The following HES6 variants were observed in gnomAD, a reference collection of about 807,000 sequenced individuals.
HES6 encodes the protein transcription cofactor HES-6.
Under a neutral mutation model 16.4 loss-of-function variants are expected in HES6, and 24 were observed. The observed-to-expected ratio is 1.46, with a 90% CI of 1.06 to 2.06. The LOEUF (loss-of-function observed/expected upper bound fraction) is 2.06, where lower values mean the gene tolerates loss of function less well. Ranked by LOEUF, HES6 falls within the 30% of genes most tolerant of loss-of-function variation. HES6 has a pLI of 0.00. For missense variants in HES6, 355 were observed against 317.6 expected (o/e 1.12, Z -0.90); for synonymous variants, 159 against 144.3 (o/e 1.10, Z -0.73).
rs1256013732 is a variant in HES6, at chr2:238,239,989, G to T, written c.-84C>A. 7.1e-6 allele frequency: 6 copies of T among 848,022 alleles called. No individual in the cohort carries two copies. The highest frequency in any genetic ancestry group is 9.1e-6 in the Non-Finnish European group (6 of 659,422). 52.5% of individuals were successfully genotyped at this position (848,022 alleles called of 1,614,324 possible). On this transcript the variant is annotated 5_prime_UTR_variant, in exon 1 of 4. Transcript: ENST00000272937. ...GACCGGAGTGCCGGCGCCCTCCGCT[G>T]CCCCGCGGCCGCCCAGCAGCAGCCC... is the stretch of plus-strand genomic sequence containing the variant.
Position 238,238,775 on chromosome 2 carries a change from G to A in HES6, c.*52C>T, listed in dbSNP as rs1695221736. 2 of 1,492,314 alleles carry A rather than the reference G, an allele frequency of 1.3e-6. No homozygotes were observed. The highest frequency in any genetic ancestry group is 1.4e-5 in the African/African-American group (1 of 72,100). 92.4% of individuals were successfully genotyped at this position (1,492,314 alleles called of 1,614,324 possible). ...ACATCTGAACCCCTGGGAGGAGGGA[G>A]GAGATCCAGGGAGGGCCGGGCCCAC... On this transcript the variant is annotated 3_prime_UTR_variant, in exon 4 of 4. Transcript: ENST00000272937.
In HES6 at chr2:238,239,266, G is replaced by A; in HGVS notation, c.251-15C>T. 6.3e-7 allele frequency: 1 copy of A among 1,596,000 alleles called. No individual in the cohort carries two copies. The highest frequency in any genetic ancestry group is 8.5e-7 in the Non-Finnish European group (1 of 1,176,964). ...CTGCTCGCGCTCTGGGCCCGAGGGT[G>A]GGAGGGAGAGAGCCGCGTCCCGCGC... On this transcript the variant is annotated splice_polypyrimidine_tract_variant and intron_variant, in intron 3 of 3. Transcript: ENST00000272937.
At chr2:238,239,459 C>T in intron 3 of HES6, 28 bp downstream of exon 3, 2 of 1,269,162 alleles carry the variant, frequency 1.6e-6, no homozygotes, top group Non-Finnish European at 9.9e-7. Context: ...CCGCGGCCGG[C>T]GCCCCCGCCC....
Position 238,239,949 on chromosome 2 carries a change from A to ACGGGGAGCGG in HES6, c.-54_-45dup, listed in dbSNP as rs1175613032. 3 of 1,160,634 alleles carry ACGGGGAGCGG rather than the reference A, an allele frequency of 2.6e-6. No individual in the cohort carries two copies. Among genetic ancestry groups the ACGGGGAGCGG allele is most frequent in the Middle Eastern group, 3.4e-4 (1 of 2,924 alleles). The allele number at this position is 1,160,634 out of a possible 1,614,324, so 71.9% of individuals were successfully genotyped here. A position where few individuals can be genotyped will look rare whatever the true frequency, so the allele number is the denominator to read the frequency against. ...GCGGCAGGGGCTAGGAGCAGCGGGG[A>ACGGGGAGCGG]CGGGGAGCGGCGGGGACCGGAGTGC... On this transcript the variant is annotated 5_prime_UTR_variant, in exon 1 of 4. Coordinates refer to ENST00000272937, the MANE Select transcript of HES6 (RefSeq NM_018645.6).
chr2:238,239,871 A>C lies in HES6; in HGVS notation c.35T>G (p.Val12Gly). ...APPAAPGRDR[V>G]GREDEDGWET... The stretch of plus-strand genomic sequence containing the variant: ...CCAGCCGTCCTCATCCTCACGGCCC[A>C]CACGGTCCCGGCCAGGCGCCGCGGG... The change falls in exon 1 of 4, where the codon GTG (valine) becomes GGG (glycine). Residue 12 changes from valine to glycine, a missense_variant. Val to Gly is a moderately radical substitution (Grantham distance 109). Transcript: ENST00000272937. 7.5e-7 allele frequency: 1 copy of C among 1,339,268 alleles called. No individual in the cohort carries two copies. 83.0% of individuals were successfully genotyped at this position (1,339,268 alleles called of 1,614,324 possible). A position where few individuals can be genotyped will look rare whatever the true frequency, so the allele number is the denominator to read the frequency against.
chr2:238,239,096 G>A lies in HES6; in HGVS notation c.406C>T (p.Arg136Cys), dbSNP rs972987306. ...LNHLLESMPLREGSSFQDLLG... is the reference protein window; with the variant it reads ...LNHLLESMPLCEGSSFQDLLG... ...AGATCCTGGAAGCTGCTGCCCTCAC[G>A]CAGCGGCATGGACTCGAGCAGATGG... Residue 136 changes from arginine to cysteine, a missense_variant, in exon 4 of 4, where the codon CGT becomes TGT. By Grantham distance (180) the Arg-to-Cys change is radical. Coordinates refer to ENST00000272937, the MANE Select transcript of HES6 (RefSeq NM_018645.6). 5.1e-5 allele frequency: 83 copies of A among 1,612,474 alleles called. No individual in the cohort carries two copies. Among genetic ancestry groups the A allele is most frequent in the Non-Finnish European group, 6.9e-5 (82 of 1,179,930 alleles).
Position 238,239,497 on chromosome 2 carries a change from GCCCCGCAGCACA to G in HES6, c.228_239del (p.Val77_Gly80del). ...CCCGCCGCCACTCACCGCGCGCCCG[GCCCCGCAGCACA>G]CCCTGGACCCGCCGCACCGTCAGCT... On this transcript the variant is annotated inframe_deletion, in exon 3 of 4. Transcript: ENST00000272937. 7.7e-7 allele frequency: 1 copy of G among 1,299,254 alleles called. No homozygotes were observed. The highest frequency in any genetic ancestry group is 2.3e-5 in the South Asian group (1 of 43,706). 80.5% of individuals were successfully genotyped at this position (1,299,254 alleles called of 1,614,324 possible). A position where few individuals can be genotyped will look rare whatever the true frequency, so the allele number is the denominator to read the frequency against.
rs78144322 is a variant in HES6 at position 238,239,014 on chromosome 2, G to A, written c.488C>T (p.Ala163Val). The A allele has an allele frequency of 1.9e-6, 3 of 1,607,722 alleles. No individual in the cohort carries two copies. The highest frequency in any genetic ancestry group is 2.2e-5 in the South Asian group (2 of 90,730). Reference protein sequence around the residue: ...PRAPGRSGWPAGGAPGSPIPS... With the variant: ...PRAPGRSGWPVGGAPGSPIPS... ...TATTGGGGATCCCGGAGCGCCCCCC[G>A]CAGGCCAGCCACTCCGTCCAGGGGC... The change falls in exon 4 of 4, where the codon GCG becomes GTG. Residue 163 changes from alanine to valine, a missense_variant. Ala to Val is a moderately conservative substitution (Grantham distance 64, BLOSUM62 0). Transcript: ENST00000272937.
At position 238,238,823 on chromosome 2, in the gene HES6, T is replaced by C. The variant is rs752339191; in HGVS notation, c.*4A>G. On this transcript the variant is annotated 3_prime_UTR_variant, in exon 4 of 4. Coordinates refer to ENST00000272937, the MANE Select transcript of HES6 (RefSeq NM_018645.6). ...CACCCCCGCAGGACTCTGGCTGGCA[T>C]TGGTCACCAAGGCCTCCAGACACTC... 2 of 1,555,764 alleles carry C rather than the reference T, an allele frequency of 1.3e-6. No homozygotes were observed. Among genetic ancestry groups the C allele is most frequent in the Non-Finnish European group, 8.6e-7 (1 of 1,157,056 alleles).
rs1229240857 is a variant in HES6 at position 238,239,331 on chromosome 2, G to A, written c.251-80C>T. 4 of 1,442,448 alleles carry A rather than the reference G, an allele frequency of 2.8e-6. No individual in the cohort carries two copies. In the African/African-American group the frequency reaches 4.4e-5, roughly 16 times the overall value. 89.4% of individuals were successfully genotyped at this position (1,442,448 alleles called of 1,614,324 possible). The stretch of plus-strand genomic sequence containing the variant: ...GCGTGGCCCAGCCCACCCGGCCCGC[G>A]GGGACGCGGCTCACCCAGGAGACGC... On this transcript the variant is annotated intron_variant, in intron 3 of 3. Transcript: ENST00000272937.
chr2:238,239,314 C>A (rs754875587), intron 3 of HES6, 63 bp from the exon 4 acceptor site: 18 of 1,512,272 alleles, frequency 1.2e-5, no homozygotes, highest in Admixed American at 8.6e-5. Context: ...CTGCGTGGCC[C>A]AGCCCACCCG....
chr2:238,238,627 C>T lies in HES6; in HGVS notation c.*200G>A, dbSNP rs1695217312. 1.7e-6 allele frequency: 1 copy of T among 597,764 alleles called. No homozygotes were observed. The highest frequency in any genetic ancestry group is 2.9e-6 in the Non-Finnish European group (1 of 344,886). The allele number at this position is 597,764 out of a possible 1,614,324, so 37.0% of individuals were successfully genotyped here. ...CCACCCACTCCAGAGCTGCAGGGTC[C>T]CTAAAAGTTTCTTAAGAAACGGGGC... On this transcript the variant is annotated 3_prime_UTR_variant, in exon 4 of 4. Coordinates refer to ENST00000272937, the MANE Select transcript of HES6 (RefSeq NM_018645.6).
At position 238,238,947 on chromosome 2, in the gene HES6, C is replaced by G. The variant is rs1695228921; in HGVS notation, c.555G>C (p.Leu185=). The part of the protein sequence containing the change: ...PGPGDDLCSD[L]EEAPEAELSQ... ...TCAGTTCAGCCTCAGGGGCCTCCTC[C>G]AGGTCGGAGCACAGGTCGTCCCCAG... Residue 185 remains leucine, a synonymous_variant, in exon 4 of 4, where the codon CTG becomes CTC. Coordinates refer to ENST00000272937, the MANE Select transcript of HES6 (RefSeq NM_018645.6). 1.2e-6 allele frequency: 2 copies of G among 1,600,224 alleles called. No homozygotes were observed. The highest frequency in any genetic ancestry group is 1.7e-5 in the Admixed American group (1 of 58,580).
chr2:238,238,675 C>G lies in HES6; in HGVS notation c.*152G>C, dbSNP rs1242266515. 2.6e-6 allele frequency: 2 copies of G among 765,952 alleles called. No homozygotes were observed. Among genetic ancestry groups the G allele is most frequent in the Non-Finnish European group, 4.2e-6 (2 of 481,408 alleles). 47.4% of individuals were successfully genotyped at this position (765,952 alleles called of 1,614,324 possible). ...GGCTGGGGCCTGACTGGGCTGGTTACCAGGGGCTGCCCTGCAAGCCATCCA... is the reference window on the plus strand; with the variant it reads ...GGCTGGGGCCTGACTGGGCTGGTTAGCAGGGGCTGCCCTGCAAGCCATCCA... On this transcript the variant is annotated 3_prime_UTR_variant, in exon 4 of 4. Coordinates refer to ENST00000272937, the MANE Select transcript of HES6 (RefSeq NM_018645.6).
chr2:238,239,439 T>A, intron 3 of HES6, 48 bp downstream of exon 3: 1 of 1,267,272 alleles, frequency 7.9e-7, no homozygotes, highest in African/African-American at 1.6e-5. Flanking sequence ...CTGGCAGGGG[T>A]TACAGGCGCC....
intron 2 of HES6, 43 bp from the exon 3 acceptor site, chr2:238,239,611 G>GGCCCCCCCCCCCCCCCCCCCCCC: frequency 8.8e-7 from 1 of 1,135,690 alleles, no homozygotes; most frequent in Non-Finnish European, 1.1e-6. Flanking sequence ...CGCGCTCCCG[G>GGCCCCCCCCCCCCCCCCCCCCCC]ACCCGCCCGC....
rs1159547376 is a variant in HES6 at position 238,239,470 on chromosome 2, G to A, written c.250+17C>T. The A allele has an allele frequency of 5.3e-6, 6 of 1,136,780 alleles. No individual in the cohort carries two copies. The highest frequency in any genetic ancestry group is 3.3e-5 in the East Asian group (1 of 30,294). The allele number at this position is 1,136,780 out of a possible 1,614,324, so 70.4% of individuals were successfully genotyped here. A position where few individuals can be genotyped will look rare whatever the true frequency, so the allele number is the denominator to read the frequency against. ...GCGCCCGCGGCCGGCGCCCCCGCCC[G>A]CCCCGCCGCCACTCACCGCGCGCCC... On this transcript the variant is annotated intron_variant, in intron 3 of 3. Transcript: ENST00000272937.
chr2:238,239,886 G>C lies in HES6; in HGVS notation c.20C>G (p.Pro7Arg). ...CTCACGGCCCACACGGTCCCGGCCA[G>C]GCGCCGCGGGTGGCGCCATGCCCGC... MAPPAA[P>R]GRDRVGREDE... The change falls in exon 1 of 4, where the codon CCT becomes CGT. Residue 7 changes from proline (P) to arginine (R), a missense_variant. Transcript: ENST00000272937. 8.0e-7 allele frequency: 1 copy of C among 1,244,290 alleles called. No homozygotes were observed. Among genetic ancestry groups the C allele is most frequent in the South Asian group, 3.2e-5 (1 of 30,976 alleles). The allele number at this position is 1,244,290 out of a possible 1,614,324, so 77.1% of individuals were successfully genotyped here.
chr2:238,239,652 C>G lies in HES6; in HGVS notation c.168+9G>C. ...CCGCAGCCCCACGGCGCCTGCCCGG[C>G]CGCCGCACCTCGGCGCCCGCCAGCA... On this transcript the variant is annotated intron_variant, in intron 2 of 3. Coordinates refer to ENST00000272937, the MANE Select transcript of HES6 (RefSeq NM_018645.6). 1.7e-6 allele frequency: 2 copies of G among 1,146,278 alleles called. No individual in the cohort carries two copies. Among genetic ancestry groups the G allele is most frequent in the Non-Finnish European group, 2.1e-6 (2 of 933,654 alleles). 71.0% of individuals were successfully genotyped at this position (1,146,278 alleles called of 1,614,324 possible). A position where few individuals can be genotyped will look rare whatever the true frequency, so the allele number is the denominator to read the frequency against.
Sources: allele counts gnomAD v4.1 joint callset, GRCh38; gene constraint gnomAD v4.1.1; transcripts MANE v1.5; gene names NCBI Gene and HGNC (gene_info 2026-07-23, HGNC 2026-07-21).